The following CHSY3 variants were observed in gnomAD, a reference collection of about 807,000 sequenced individuals.
The protein encoded by CHSY3 is chondroitin sulfate synthase 3, also known as N-acetylgalactosaminyl-proteoglycan 3-beta-glucuronosyltransferase 3.
CHSY3 carries 35 observed loss-of-function variants against 67.2 expected under a neutral mutation model. That is an observed-to-expected ratio of 0.52 (90% CI 0.40 to 0.69). The LOEUF (loss-of-function observed/expected upper bound fraction) is 0.69. CHSY3 is among the 30% of genes least tolerant of loss of function. The pLI is 0.00. For missense variants in CHSY3, 1,069 were observed against 1,138.5 expected, an observed-to-expected ratio of 0.94 and a Z score of 0.88; for synonymous variants, 474 against 434.7, an observed-to-expected ratio of 1.09 and a Z score of -1.12.
intron 2 of CHSY3, among the ~76,000 whole-genome samples, chr5:129,932,716 A>C (rs1380417499): frequency 6.6e-6 from 1 of 152,146 alleles, no homozygotes; most frequent in Non-Finnish European, 1.5e-5. Context: ...TCTGAATTAG[A>C]GTTAAAATAT....
rs1254934800 is a variant in CHSY3 at position 129,905,064 on chromosome 5, G to A, written c.235G>A (p.Ala79Thr). The A allele has an allele frequency of 5.2e-6, 8 of 1,546,008 alleles. No homozygotes were observed. The highest frequency in any genetic ancestry group is 6.9e-6 in the Non-Finnish European group (8 of 1,152,286). The change falls in exon 1 of 3, where the codon GCG becomes ACG. Residue 79 changes from alanine (A) to threonine (T), a missense_variant. Ala to Thr is a moderately conservative substitution (Grantham distance 58). This residue lies in a region of CHSY3 where 309 missense variants were observed against 262.5 expected (regional missense o/e 1.18). Transcript: ENST00000305031. ...RPRQEQSPPP[A>T]RQDLQGPPLP... ...ACGGCAGGAGCAGTCGCCGCCCCCC[G>A]CGCGCCAGGATCTCCAGGGGCCACC...
intron 2 of CHSY3, among the ~76,000 whole-genome samples, chr5:129,936,422 C>T (rs905761477): frequency 4.6e-5 from 7 of 151,920 alleles, no homozygotes; most frequent in African/African-American, 1.7e-4. Context: ...TGGGTCAGCC[C>T]CTATCTAGTG....
intron 2 of CHSY3, among the ~76,000 whole-genome samples, chr5:130,117,132 G>T (rs544248337): frequency 6.6e-6 from 1 of 152,258 alleles, no homozygotes; most frequent in South Asian, 2.1e-4. Context: ...GTGAGGAGGA[G>T]CAATTAGATA....
chr5:130,020,461 A>ATATATATATATATAT (rs1371121130), intron 2 of CHSY3, among the ~76,000 whole-genome samples: 9 of 79,878 alleles, frequency 1.1e-4, no homozygotes, highest in Admixed American at 1.5e-4. Context: ...ATATATATAT[A>ATATATATATATATAT]TTTTTTTTTT....
At chr5:130,168,757 C>T (rs1177672729) in intron 2 of CHSY3, among the ~76,000 whole-genome samples, 1 of 151,940 alleles carries the variant, frequency 6.6e-6, no homozygotes, top group African/African-American at 2.4e-5. Flanking sequence ...AGGAGCTGGT[C>T]ATCTAGAAAG....
Position 130,185,081 on chromosome 5 carries a change from A to T in CHSY3, c.1939A>T (p.Ile647Phe). 6.2e-7 allele frequency: 1 copy of T among 1,604,442 alleles called. No homozygotes were observed. Among genetic ancestry groups the T allele is most frequent in the Non-Finnish European group, 8.5e-7 (1 of 1,171,194 alleles). The change falls in exon 3 of 3, where the codon ATC becomes TTC. Residue 647 changes from isoleucine (I) to phenylalanine (F), a missense_variant. Physicochemically the swap from Ile to Phe is conservative, Grantham distance 21. Coordinates refer to ENST00000305031, the MANE Select transcript of CHSY3 (RefSeq NM_175856.5). ...FMENFENMCL[I>F]PKQNVKLVII... The stretch of plus-strand genomic sequence containing the variant: ...GGAGAACTTTGAAAACATGTGTCTT[A>T]TCCCAAAGCAGAATGTAAAGTTGGT...
chr5:129,963,427 T>C lies in CHSY3; in HGVS notation c.1086+55067T>C, dbSNP rs559061347. ...GTCCAGCATGAGCAGCTCCTTGTTC[T>C]GATTTCTGTGCTTCCCCTCATGGGA... On this transcript the variant is annotated intron_variant, in intron 2 of 2. Coordinates refer to ENST00000305031, the MANE Select transcript of CHSY3 (RefSeq NM_175856.5). Among the ~76,000 whole-genome samples the C allele has an allele frequency of 2.6e-5, 4 of 152,192 alleles. No homozygotes were observed. In the South Asian group the frequency reaches 8.3e-4, roughly 31 times the overall value.
intron 2 of CHSY3, among the ~76,000 whole-genome samples, chr5:129,948,563 CA>C (rs769157364): frequency 6.6e-5 from 10 of 152,110 alleles, no homozygotes; most frequent in Non-Finnish European, 1.3e-4. Context: ...TCACACACAC[CA>C]AAATTTCTTT....
At chr5:130,029,074 G>A (rs535149874) in intron 2 of CHSY3, among the ~76,000 whole-genome samples, 32 of 151,988 alleles carry the variant, frequency 2.1e-4, no homozygotes, top group Middle Eastern at 3.4e-3. Context: ...CATCAGTGCC[G>A]GTGGCCCCAC....
chr5:130,060,488 T>G (rs1163510453), intron 2 of CHSY3, among the ~76,000 whole-genome samples: 1 of 152,146 alleles, frequency 6.6e-6, no homozygotes, highest in Non-Finnish European at 1.5e-5. Flanking sequence ...AGCCTTTTTT[T>G]CCAAGAACTG....
chr5:130,148,764 ATTTG>A (rs754908914), intron 2 of CHSY3, among the ~76,000 whole-genome samples: 1 of 151,854 alleles, frequency 6.6e-6, no homozygotes, highest in African/African-American at 2.4e-5. Flanking sequence ...TTTATTGTAA[ATTTG>A]TTTAAGTTCC....
intron 2 of CHSY3, among the ~76,000 whole-genome samples, chr5:130,139,258 G>A (rs550022162): frequency 1.3e-5 from 2 of 152,156 alleles, no homozygotes; most frequent in Non-Finnish European, 2.9e-5. Context: ...TCAGCCAAGG[G>A]TAGAAATTGA....
chr5:129,988,327 A>T (rs1441462879), intron 2 of CHSY3, among the ~76,000 whole-genome samples: 1 of 152,212 alleles, frequency 6.6e-6, no homozygotes, highest in Non-Finnish European at 1.5e-5. Flanking sequence ...TAGCTCATTC[A>T]TCTAAAAAGT....
chr5:130,085,190 C>T (rs1766573325), intron 2 of CHSY3, among the ~76,000 whole-genome samples: 1 of 151,956 alleles, frequency 6.6e-6, no homozygotes, highest in Non-Finnish European at 1.5e-5. Flanking sequence ...TGTTGAAACA[C>T]TGCATTGTAC....
intron 2 of CHSY3, among the ~76,000 whole-genome samples, chr5:130,180,488 C>G (rs1409694540): frequency 6.6e-6 from 1 of 151,972 alleles, no homozygotes; most frequent in African/African-American, 2.4e-5. Flanking sequence ...CCAAAAGTTA[C>G]CTTGTGCCTA....
At chr5:130,015,797 G>C (rs1764203384) in intron 2 of CHSY3, among the ~76,000 whole-genome samples, 1 of 152,134 alleles carries the variant, frequency 6.6e-6, no homozygotes, top group Non-Finnish European at 1.5e-5. Context: ...GTTCATCTCT[G>C]CACTAGTCAC....
chr5:130,117,089 G>A (rs1307685426), intron 2 of CHSY3, among the ~76,000 whole-genome samples: 1 of 152,120 alleles, frequency 6.6e-6, no homozygotes. Flanking sequence ...ATGGGAGCAT[G>A]CCATGGAGAA....
chr5:130,133,071 T>C, intron 2 of CHSY3, among the ~76,000 whole-genome samples: 1 of 152,178 alleles, frequency 6.6e-6, no homozygotes, highest in South Asian at 2.1e-4. Flanking sequence ...TCGTTGGAAA[T>C]CTGTGTAATA....
At chr5:130,167,083 CTTGT>C (rs1329790384) in intron 2 of CHSY3, among the ~76,000 whole-genome samples, 4 of 151,950 alleles carry the variant, frequency 2.6e-5, no homozygotes, top group East Asian at 1.9e-4. Context: ...AGTTTTTTGG[CTTGT>C]TTGTTTTCCT....
Sources: gnomAD v4.1 joint callset for allele counts (sites outside exome capture counted in the v4.1 genomes callset) on GRCh38, gnomAD v4.1.1 for gene constraint, gnomAD v4.1.1 regional missense constraint, MANE v1.5 for transcripts, NCBI Gene and HGNC (gene_info 2026-07-23, HGNC 2026-07-21) for gene names.